TMEM242: variants seen among roughly 807,000 people sequenced by gnomAD.
TMEM242 encodes the protein UPF0463 transmembrane protein C6orf35.
Under a neutral mutation model 18.2 loss-of-function variants are expected in TMEM242, and 10 were observed. The observed-to-expected ratio is 0.55, with a 90% CI of 0.34 to 0.93. The LOEUF is 0.93. Ranked by LOEUF, TMEM242 falls within the 40% of genes least tolerant of loss-of-function variation. The pLI is 0.02. For missense variants in TMEM242, 186 were observed against 175.5 expected (o/e 1.06, Z -0.34); for synonymous variants, 57 against 69.9 (o/e 0.81, Z 0.92).
chr6:157,293,055 A>G (rs1377278037), intron 3 of TMEM242, 56 bp from the exon 4 acceptor site: 20 of 1,354,254 alleles, frequency 1.5e-5, no homozygotes, highest in Admixed American at 1.3e-4. Flanking sequence ...AAAAACAGCT[A>G]TTAGAGATGG....
At chr6:157,323,310 G>A (rs1583578888) in intron 1 of TMEM242, 102 bp downstream of exon 1, 2 of 1,287,710 alleles carry the variant, frequency 1.6e-6, no homozygotes, top group Non-Finnish European at 2.2e-6. Flanking sequence ...ACAAGCTAAG[G>A]GCTCTCAGAG....
intron 3 of TMEM242, among the ~76,000 whole-genome samples, chr6:157,293,987 C>T (rs1245802922): frequency 6.6e-6 from 1 of 152,110 alleles, no homozygotes; most frequent in East Asian, 1.9e-4. Flanking sequence ...TCCCAAAGTG[C>T]TGAGATCACA....
At chr6:157,310,329 A>G (rs913633240) in intron 3 of TMEM242, among the ~76,000 whole-genome samples, 1 of 17,650 alleles carries the variant, frequency 5.7e-5, no homozygotes, top group Non-Finnish European at 1.3e-4. Flanking sequence ...TCCAAACTTA[A>G]ACTATCTGTC....
At chr6:157,316,834 C>T (rs1481993065) in intron 3 of TMEM242, among the ~76,000 whole-genome samples, 2 of 152,212 alleles carry the variant, frequency 1.3e-5, no homozygotes, top group Non-Finnish European at 2.9e-5. Context: ...CACACCACTG[C>T]ACTCCATCCT....
chr6:157,299,352 T>C (rs1430508188), intron 3 of TMEM242: 2 of 992,498 alleles, frequency 2.0e-6, no homozygotes, highest in Admixed American at 1.8e-5. Flanking sequence ...TCTTTATCAG[T>C]TCCTGTATCA....
chr6:157,300,163 G>A, intron 3 of TMEM242: 1 of 548,538 alleles, frequency 1.8e-6, no homozygotes, highest in Non-Finnish European at 3.3e-6. Flanking sequence ...GAGAATGGAA[G>A]AAAACTGCTG....
intron 3 of TMEM242, among the ~76,000 whole-genome samples, chr6:157,304,405 C>T (rs1336563085): frequency 8.0e-6 from 1 of 125,208 alleles, no homozygotes; most frequent in Non-Finnish European, 1.6e-5. Flanking sequence ...GCAGAGGTTT[C>T]AGTGAGCCAA....
chr6:157,322,414 A>C (rs1226855651), intron 2 of TMEM242, among the ~76,000 whole-genome samples: 2 of 152,228 alleles, frequency 1.3e-5, no homozygotes, highest in African/African-American at 4.8e-5. Context: ...TACAGGCATG[A>C]ACCACGATGC....
At chr6:157,298,294 T>TC (rs1554247285) in intron 3 of TMEM242, among the ~76,000 whole-genome samples, 2 of 152,246 alleles carry the variant, frequency 1.3e-5, no homozygotes, top group Non-Finnish European at 2.9e-5. Context: ...GCTTTATTTT[T>TC]AGTAACTGCA....
At chr6:157,304,360 G>A (rs587761459) in intron 3 of TMEM242, among the ~76,000 whole-genome samples, 1 of 150,144 alleles carries the variant, frequency 6.7e-6, no homozygotes, top group East Asian at 2.0e-4. Flanking sequence ...AGCTACTTGG[G>A]AGGCTGAGGC....
At chr6:157,319,832 C>T (rs1172493795) in intron 2 of TMEM242, among the ~76,000 whole-genome samples, 1 of 152,130 alleles carries the variant, frequency 6.6e-6, no homozygotes, top group African/African-American at 2.4e-5. Flanking sequence ...TAGAAGTATC[C>T]CAAGATGGGA....
intron 3 of TMEM242, among the ~76,000 whole-genome samples, chr6:157,312,987 G>C (rs1554249552): frequency 2.6e-5 from 4 of 151,808 alleles, no homozygotes; most frequent in Non-Finnish European, 5.9e-5. Context: ...CGCTCACCTA[G>C]CCTCATCATA....
intron 3 of TMEM242, among the ~76,000 whole-genome samples, chr6:157,312,835 A>C (rs1583570162): frequency 2.0e-5 from 3 of 151,104 alleles, no homozygotes; most frequent in Admixed American, 6.6e-5. Flanking sequence ...ATAGTGCCAC[A>C]GTGTGCACTC....
At chr6:157,322,284 C>A (rs915906389) in intron 2 of TMEM242, among the ~76,000 whole-genome samples, 21 of 152,156 alleles carry the variant, frequency 1.4e-4, no homozygotes, top group African/African-American at 4.8e-4. Context: ...GAGTGCCACA[C>A]CACACCTGGC....
chr6:157,295,695 T>C (rs1419279707), intron 3 of TMEM242, among the ~76,000 whole-genome samples: 8 of 152,180 alleles, frequency 5.3e-5, no homozygotes, highest in African/African-American at 1.9e-4. Flanking sequence ...AAATATTAAA[T>C]TATTTACTTG....
In TMEM242 at chr6:157,291,302, T is replaced by C. The variant is rs1047287816; in HGVS notation, c.*1599A>G. ...CAGTTTTAGGTAGTGCCCATTCTTT[T>C]TCCCCCCACATCAAACGAGTAAAGT... On this transcript the variant is annotated 3_prime_UTR_variant, in exon 4 of 4. Coordinates refer to ENST00000400788, the MANE Select transcript of TMEM242 (RefSeq NM_018452.6). The C allele has an allele frequency of 1.3e-5, 2 of 152,218 alleles. No individual in the cohort carries two copies. The highest frequency in any genetic ancestry group is 6.5e-5 in the Admixed American group (1 of 15,274). 9.4% of individuals were successfully genotyped at this position (152,218 alleles called of 1,614,324 possible).
intron 3 of TMEM242, among the ~76,000 whole-genome samples, chr6:157,313,995 G>A (rs1490928969): frequency 7.3e-6 from 1 of 137,648 alleles, no homozygotes; most frequent in African/African-American, 2.8e-5. Flanking sequence ...GCCCCAGTGT[G>A]CGCTCACCTA....
chr6:157,307,863 G>A (rs898537589), intron 3 of TMEM242, among the ~76,000 whole-genome samples: 4 of 152,170 alleles, frequency 2.6e-5, no homozygotes, highest in Non-Finnish European at 4.4e-5. Flanking sequence ...AAACGAGGCC[G>A]AATATGCTGA....
At chr6:157,314,362 G>GTGTGCGCT (rs1778343810) in intron 3 of TMEM242, among the ~76,000 whole-genome samples, 3 of 149,516 alleles carry the variant, frequency 2.0e-5, no homozygotes, top group Non-Finnish European at 4.5e-5. Context: ...TAGTGTCCCA[G>GTGTGCGCT]CATGCATTCC....
Sources: allele counts gnomAD v4.1 joint callset (sites outside exome capture counted in the v4.1 genomes callset), GRCh38; gene constraint gnomAD v4.1.1; transcripts MANE v1.5; gene names NCBI Gene and HGNC (gene_info 2026-07-23, HGNC 2026-07-21).